Variants in RAD54B observed in about 807,000 individuals in gnomAD.
RAD54B encodes RAD54 homolog B, also known as DNA repair and recombination protein RAD54B.
Under a neutral mutation model 95.8 loss-of-function variants are expected in RAD54B, and 78 were observed. The observed-to-expected ratio is 0.81, with a 90% CI of 0.68 to 0.98. The LOEUF (loss-of-function observed/expected upper bound fraction) is 0.98. RAD54B is among the 50% of genes least tolerant of loss of function. The pLI is 0.00. For missense variants in RAD54B, 957 were observed against 1,056.6 expected, an observed-to-expected ratio of 0.91 and a Z score of 1.31; for synonymous variants, 328 against 354.9, an observed-to-expected ratio of 0.92 and a Z score of 0.85.
intron 3 of RAD54B, among the ~76,000 whole-genome samples, chr8:94,433,686 T>A (rs1429404292): frequency 6.6e-6 from 1 of 151,916 alleles, no homozygotes; most frequent in Non-Finnish European, 1.5e-5. Context: ...ATTAAGAATA[T>A]CTGCTCCTTG....
intron 14 of RAD54B, among the ~76,000 whole-genome samples, 170 bp from the exon 15 acceptor site, chr8:94,372,557 T>G (rs935846235): frequency 6.6e-6 from 1 of 152,226 alleles, no homozygotes; most frequent in Non-Finnish European, 1.5e-5. Context: ...TTATTTACTA[T>G]GTACTGATTT....
At chr8:94,426,911 G>A (rs1586160532) in intron 3 of RAD54B, among the ~76,000 whole-genome samples, 1 of 152,166 alleles carries the variant, frequency 6.6e-6, no homozygotes, top group East Asian at 1.9e-4. Flanking sequence ...AAGTACTTAA[G>A]GGTAAATTAT....
Position 94,378,320 on chromosome 8 carries a change from A to G in RAD54B, c.2375T>C (p.Val792Ala). The change falls in exon 14 of 15, where the codon GTT becomes GCT. Residue 792 changes from valine to alanine, a missense_variant. Transcript: ENST00000336148. The part of the protein sequence containing the change: ...QISKQGLCGA[V>A]VDLTKTSEHI... ...TTCAGATGTCTTGGTGAGGTCGACA[A>G]CTGCCCCACAAAGACCTTGCTTACT... The G allele has an allele frequency of 6.2e-7, 1 of 1,614,052 alleles. No homozygotes were observed.
intron 10 of RAD54B, 132 bp downstream of exon 10, chr8:94,391,477 T>C (rs907804298): frequency 4.6e-6 from 4 of 875,600 alleles, no homozygotes; most frequent in Non-Finnish European, 6.9e-6. Flanking sequence ...AGCAGAACCA[T>C]ACTAGATAGC....
chr8:94,447,370 T>A (rs369282466), intron 3 of RAD54B, among the ~76,000 whole-genome samples: 2 of 152,158 alleles, frequency 1.3e-5, no homozygotes, highest in South Asian at 4.1e-4. Context: ...GGCCTGCCCT[T>A]TAGATGAATT....
chr8:94,431,989 T>C (rs1191974788), intron 3 of RAD54B: 1 of 1,306,912 alleles, frequency 7.7e-7, no homozygotes, highest in African/African-American at 1.5e-5. Context: ...AGAAAATAAT[T>C]AGAAAATTAT....
intron 4 of RAD54B, among the ~76,000 whole-genome samples, chr8:94,408,902 T>C (rs146760202): frequency 1.6e-4 from 24 of 152,308 alleles, no homozygotes; most frequent in African/African-American, 5.8e-4. Context: ...TCTCATTTCA[T>C]TTAGATCCAT....
intron 11 of RAD54B, among the ~76,000 whole-genome samples, chr8:94,383,577 ATTAG>A (rs1406909980): frequency 6.6e-6 from 1 of 152,212 alleles, no homozygotes; most frequent in African/African-American, 2.4e-5. Flanking sequence ...TTGTTCTATT[ATTAG>A]TTATTGTTGT....
intron 3 of RAD54B, among the ~76,000 whole-genome samples, chr8:94,439,114 TC>T (rs1449093722): frequency 1.3e-5 from 2 of 151,726 alleles, no homozygotes; most frequent in Non-Finnish European, 2.9e-5. Flanking sequence ...AAAAGAAGAC[TC>T]CAAGAGTGGA....
chr8:94,455,467 GA>G, intron 3 of RAD54B, among the ~76,000 whole-genome samples: 1 of 152,174 alleles, frequency 6.6e-6, no homozygotes, highest in East Asian at 1.9e-4. Flanking sequence ...ACAGATAACA[GA>G]AGATGGCATA....
rs56013077 is a variant in RAD54B at position 94,403,787 on chromosome 8, C to G, written c.944+290G>C. ...AGCTTTTATTATACCACATTAAGGT[C>G]AATTGCATTTATCTGTTTACTCAAA... On this transcript the variant is annotated intron_variant, in intron 6 of 14. Coordinates refer to ENST00000336148, the MANE Select transcript of RAD54B (RefSeq NM_012415.3). Among the ~76,000 whole-genome samples the G allele has an allele frequency of 3.0e-3, 453 of 152,178 alleles. 3 individuals carry two copies. The highest frequency in any genetic ancestry group is 0.01 in the African/African-American group (429 of 41,530).
intron 14 of RAD54B, 33 bp downstream of exon 14, chr8:94,378,147 A>G: frequency 7.0e-7 from 1 of 1,437,666 alleles, no homozygotes; most frequent in Non-Finnish European, 9.5e-7. Context: ...AATTAACTTT[A>G]CTACATAGTA....
intron 3 of RAD54B, among the ~76,000 whole-genome samples, chr8:94,422,879 A>C (rs1811858403): frequency 6.7e-6 from 1 of 149,990 alleles, no homozygotes; most frequent in African/African-American, 2.4e-5. Flanking sequence ...CTATGTTGCC[A>C]ATGATCTTGT....
chr8:94,400,112 A>G, intron 7 of RAD54B, 126 bp downstream of exon 7: 3 of 831,508 alleles, frequency 3.6e-6, no homozygotes. Flanking sequence ...ACTCAAAACC[A>G]AAATGTAAGC....
chr8:94,453,355 CCT>C (rs1247279134), intron 3 of RAD54B, among the ~76,000 whole-genome samples: 4 of 152,096 alleles, frequency 2.6e-5, no homozygotes, highest in East Asian at 1.9e-4. Context: ...ATGGTGAACC[CCT>C]GTCTCTACTA....
Position 94,380,547 on chromosome 8 carries a change from T to TA in RAD54B, c.1986-142dup, listed in dbSNP as rs1287476947. 3 of 860,636 alleles carry TA rather than the reference T, an allele frequency of 3.5e-6. No individual in the cohort carries two copies. The Admixed American group carries it at 9.0e-5, about 26-fold the overall frequency. 53.3% of individuals were successfully genotyped at this position (860,636 alleles called of 1,614,324 possible). A position where few individuals can be genotyped will look rare whatever the true frequency, so the allele number is the denominator to read the frequency against. ...TGACCTTGTACAATTAAAACATAGGTATTCCTGCATATTCCATTTTAAAGT... is the reference window on the plus strand; with the variant it reads ...TGACCTTGTACAATTAAAACATAGGTAATTCCTGCATATTCCATTTTAAAGT... On this transcript the variant is annotated intron_variant, in intron 11 of 14. Transcript: ENST00000336148.
At chr8:94,444,589 T>G (rs1812477272) in intron 3 of RAD54B, among the ~76,000 whole-genome samples, 2 of 152,220 alleles carry the variant, frequency 1.3e-5, no homozygotes, top group African/African-American at 4.8e-5. Flanking sequence ...TCCAAATTCT[T>G]GCTCTAAGAG....
rs1811242946 is a variant in RAD54B, at chr8:94,400,399, T to G, written c.1009A>C (p.Ile337Leu). 1 of 1,613,750 alleles carries G rather than the reference T, an allele frequency of 6.2e-7. No individual in the cohort carries two copies. Among genetic ancestry groups the G allele is most frequent in the Non-Finnish European group, 8.5e-7 (1 of 1,179,876 alleles). Residue 337 changes from isoleucine (I) to leucine (L), a missense_variant, in exon 7 of 15, where the codon ATT (isoleucine) becomes CTT (leucine). Physicochemically the swap from Ile to Leu is conservative, Grantham distance 5. Transcript: ENST00000336148. ...CACTGCAGGGTCCAGATGAGCGAAA[T>G]ACATTGCAATGTCTTCCCTAAACCC... ...EMGLGKTLQC[I>L]SLIWTLQCQG...
intron 8 of RAD54B, among the ~76,000 whole-genome samples, chr8:94,395,976 C>T (rs778296191): frequency 4.0e-5 from 6 of 151,858 alleles, no homozygotes; most frequent in Admixed American, 6.6e-5. Flanking sequence ...TGAAATCATC[C>T]CAACTGATAT....
Sources: gnomAD v4.1 joint callset for allele counts (sites outside exome capture counted in the v4.1 genomes callset) on GRCh38, gnomAD v4.1.1 for gene constraint, MANE v1.5 for transcripts, NCBI Gene and HGNC (gene_info 2026-07-23, HGNC 2026-07-21) for gene names.